MRPL42: variants seen among roughly 807,000 people sequenced by gnomAD.
MRPL42 encodes large ribosomal subunit protein mL42.
Under a neutral mutation model 17.9 loss-of-function variants are expected in MRPL42, and 17 were observed. The observed-to-expected ratio is 0.95, with a 90% CI of 0.65 to 1.42. The LOEUF is 1.42. Ranked by LOEUF, MRPL42 falls within the 40% of genes most tolerant of loss-of-function variation. The pLI, the probability that MRPL42 is intolerant of heterozygous loss-of-function variation, is 0.00. For missense variants in MRPL42, 177 were observed against 175.2 expected (o/e 1.01, Z -0.06); for synonymous variants, 59 against 54.4 (o/e 1.08, Z -0.37).
chr12:93,487,675 C>A lies in MRPL42; in HGVS notation c.383+15C>A, dbSNP rs751465494. 6.3e-7 allele frequency: 1 copy of A among 1,583,286 alleles called. No individual in the cohort carries two copies. The highest frequency in any genetic ancestry group is 1.4e-5 in the African/African-American group (1 of 73,616). On this transcript the variant is annotated intron_variant, in intron 5 of 5. Transcript: ENST00000549982. ...CCTCATGGACGGTAAGTTTTCTTTT[C>A]TTTTCTTCAATCCCTACTACATACA...
chr12:93,482,436 T>G (rs1003889641), intron 4 of MRPL42, among the ~76,000 whole-genome samples: 1 of 152,162 alleles, frequency 6.6e-6, no homozygotes, highest in Non-Finnish European at 1.5e-5. Flanking sequence ...TTTCCCCTGC[T>G]TGGTCTTCAG....
intron 5 of MRPL42, among the ~76,000 whole-genome samples, chr12:93,495,591 A>G (rs1470905953): frequency 6.6e-5 from 10 of 152,344 alleles, no homozygotes; most frequent in Admixed American, 5.2e-4. Context: ...AACGATACTT[A>G]TTAGCCACTG....
At chr12:93,471,227 G>A (rs576860970) in intron 2 of MRPL42, among the ~76,000 whole-genome samples, 1 of 152,238 alleles carries the variant, frequency 6.6e-6, no homozygotes, top group South Asian at 2.1e-4. Flanking sequence ...GCAGAGGCAT[G>A]ATCTTGGCAC....
rs920998892 is a variant in MRPL42 at position 93,509,620 on chromosome 12, T to G, written c.*8399T>G. 2.0e-5 allele frequency: 3 copies of G among 152,088 alleles called. No individual in the cohort carries two copies. Among genetic ancestry groups the G allele is most frequent in the African/African-American group, 7.2e-5 (3 of 41,402 alleles). 9.4% of individuals were successfully genotyped at this position (152,088 alleles called of 1,614,324 possible). ...GTTTGCACTAAGTTCAGCATAAATG[T>G]AGTGACCTCCTGGGTCACTGGGACC... On this transcript the variant is annotated 3_prime_UTR_variant, in exon 6 of 6. Coordinates refer to ENST00000549982, the MANE Select transcript of MRPL42 (RefSeq NM_014050.4).
chr12:93,484,345 G>A (rs1186334930), intron 4 of MRPL42, among the ~76,000 whole-genome samples: 1 of 152,038 alleles, frequency 6.6e-6, no homozygotes, highest in Non-Finnish European at 1.5e-5. Flanking sequence ...TTACAGCCAT[G>A]AGCCACTGTA....
intron 1 of MRPL42, among the ~76,000 whole-genome samples, chr12:93,468,372 CATTT>C (rs972529663): frequency 1.3e-4 from 20 of 152,148 alleles, no homozygotes; most frequent in African/African-American, 4.8e-4. Context: ...GGTTATTTGT[CATTT>C]ATTCACAACA....
rs2121304560 is a variant in MRPL42 at position 93,511,030 on chromosome 12, GA to G, written c.*9811del. 1 of 152,206 alleles carries G rather than the reference GA, an allele frequency of 6.6e-6. No individual in the cohort carries two copies. The highest frequency in any genetic ancestry group is 2.1e-4 in the South Asian group (1 of 4,816). The allele number at this position is 152,206 out of a possible 1,614,324, so 9.4% of individuals were successfully genotyped here. A position where few individuals can be genotyped will look rare whatever the true frequency, so the allele number is the denominator to read the frequency against. On this transcript the variant is annotated 3_prime_UTR_variant, in exon 6 of 6. Coordinates refer to ENST00000549982, the MANE Select transcript of MRPL42 (RefSeq NM_014050.4). ...TATCAAGAAAAGACTTACCTTTTCT[GA>G]ATGCAACAGTATTAGTAAACCTAAT...
At position 93,508,905 on chromosome 12, in the gene MRPL42, G is replaced by T. The variant is rs1953697979; in HGVS notation, c.*7684G>T. On this transcript the variant is annotated 3_prime_UTR_variant, in exon 6 of 6. Coordinates refer to ENST00000549982, the MANE Select transcript of MRPL42 (RefSeq NM_014050.4). The stretch of plus-strand genomic sequence containing the variant: ...ACTAGTTAGCTAAGAATGAGCTGGG[G>T]GGCTGGGCGTGGTAGTTCACACCTG... 1 of 151,962 alleles carries T rather than the reference G, an allele frequency of 6.6e-6. No individual in the cohort carries two copies. The highest frequency in any genetic ancestry group is 2.4e-5 in the African/African-American group (1 of 41,384). 9.4% of individuals were successfully genotyped at this position (151,962 alleles called of 1,614,324 possible).
At chr12:93,501,022 G>GA in intron 5 of MRPL42, 154 bp from the exon 6 acceptor site, 2 of 577,946 alleles carry the variant, frequency 3.5e-6, no homozygotes, top group Non-Finnish European at 3.0e-6. Flanking sequence ...CACAATGGGA[G>GA]AATGTGGCTT....
At chr12:93,492,235 A>T in intron 5 of MRPL42, among the ~76,000 whole-genome samples, 1 of 152,246 alleles carries the variant, frequency 6.6e-6, no homozygotes, top group East Asian at 1.9e-4. Flanking sequence ...CATTCCCACC[A>T]ATAGTATGTA....
At chr12:93,467,685 CT>C (rs1879693246) in intron 1 of MRPL42, 131 bp downstream of exon 1, 1 of 152,864 alleles carries the variant, frequency 6.5e-6, no homozygotes, top group African/African-American at 2.4e-5. Context: ...CATCCCCAGC[CT>C]TTGTCCTTCC....
chr12:93,486,383 C>T (rs748973174), intron 4 of MRPL42, among the ~76,000 whole-genome samples: 9 of 152,004 alleles, frequency 5.9e-5, no homozygotes, highest in South Asian at 2.1e-4. Context: ...CTTGCTCTTT[C>T]GCCCAGGCTG....
intron 4 of MRPL42, 135 bp downstream of exon 4, chr12:93,479,607 T>C (rs1042413179): frequency 4.6e-5 from 21 of 458,584 alleles, no homozygotes; most frequent in Admixed American, 7.7e-5. Flanking sequence ...AATTTTACTA[T>C]TTTGATTTTT....
In MRPL42 at chr12:93,484,979, C is replaced by CATATATAT. The variant is rs4020795; in HGVS notation, c.220-2476_220-2469dup. The stretch of plus-strand genomic sequence containing the variant: ...TTTAAAAAACACACACACACACACA[C>CATATATAT]ATATATATATATATATATATATATA... On this transcript the variant is annotated intron_variant, in intron 4 of 5. Transcript: ENST00000549982. Among the ~76,000 whole-genome samples, 44 of 22,468 alleles carry CATATATAT rather than the reference C, an allele frequency of 2.0e-3. 1 individual carries two copies. The highest frequency in any genetic ancestry group is 3.3e-3 in the Non-Finnish European group (31 of 9,394). 14.7% of individuals were successfully genotyped at this position (22,468 alleles called of 152,430 possible).
chr12:93,469,920 C>G (rs977637433), intron 2 of MRPL42, among the ~76,000 whole-genome samples: 10 of 151,632 alleles, frequency 6.6e-5, no homozygotes, highest in Admixed American at 4.6e-4. Context: ...GAGTAAGGGA[C>G]TGGTCAAGGG....
At position 93,504,494 on chromosome 12, in the gene MRPL42, CTAT is replaced by C. The variant is rs1953645400; in HGVS notation, c.*3276_*3278del. 1 of 152,232 alleles carries C rather than the reference CTAT, an allele frequency of 6.6e-6. No individual in the cohort carries two copies. Among genetic ancestry groups the C allele is most frequent in the South Asian group, 2.1e-4 (1 of 4,830 alleles). The allele number at this position is 152,232 out of a possible 1,614,324, so 9.4% of individuals were successfully genotyped here. ...ATATAGAAATATTTTCTCTTTAGTTCTATTAAAATTTTAAAAAATCTTTATCAA... is the reference window on the plus strand; with the variant it reads ...ATATAGAAATATTTTCTCTTTAGTTCTAAAATTTTAAAAAATCTTTATCAA... On this transcript the variant is annotated 3_prime_UTR_variant, in exon 6 of 6. Transcript: ENST00000549982.
At chr12:93,493,972 T>TA (rs1183908944) in intron 5 of MRPL42, among the ~76,000 whole-genome samples, 150 of 84,992 alleles carry the variant, frequency 1.8e-3, no homozygotes, top group Middle Eastern at 4.0e-3. Context: ...GCTTTACTGA[T>TA]ACTGTGAGAA....
chr12:93,494,880 C>T (rs562879355), intron 5 of MRPL42, among the ~76,000 whole-genome samples: 2 of 152,234 alleles, frequency 1.3e-5, no homozygotes, highest in Non-Finnish European at 2.9e-5. Flanking sequence ...GAATTTCAAC[C>T]GTTACTAAGG....
intron 5 of MRPL42, among the ~76,000 whole-genome samples, chr12:93,489,413 G>T (rs191565554): frequency 2.6e-5 from 4 of 152,014 alleles, no homozygotes; most frequent in African/African-American, 7.2e-5. Context: ...TAATAAAAGT[G>T]ATTTTTTTGT....
Sources: allele counts gnomAD v4.1 joint callset (sites outside exome capture counted in the v4.1 genomes callset), GRCh38; gene constraint gnomAD v4.1.1; transcripts MANE v1.5; gene names NCBI Gene and HGNC (gene_info 2026-07-23, HGNC 2026-07-21).